UBE2E2: variants seen among roughly 807,000 people sequenced by gnomAD.
UBE2E2 encodes ubiquitin conjugating enzyme E2 E2.
Under a neutral mutation model 24.7 loss-of-function variants are expected in UBE2E2, and 6 were observed. That is an observed-to-expected ratio of 0.24 (90% CI 0.13 to 0.48). UBE2E2 has a LOEUF of 0.48. UBE2E2 is among the 20% of genes least tolerant of loss of function. UBE2E2 has a pLI of 0.99. For missense variants in UBE2E2, 169 were observed against 245.0 expected (o/e 0.69, Z 2.07); for synonymous variants, 104 against 83.6 (o/e 1.24, Z -1.33).
At chr3:23,523,902 A>G (rs1694927306) in intron 4 of UBE2E2, among the ~76,000 whole-genome samples, 1 of 150,324 alleles carries the variant, frequency 6.7e-6, no homozygotes, top group African/African-American at 2.5e-5. Context: ...TGTTAACCAT[A>G]CCATTTTAGA....
At chr3:23,268,978 G>T (rs1474472340) in intron 3 of UBE2E2, among the ~76,000 whole-genome samples, 1 of 151,854 alleles carries the variant, frequency 6.6e-6, no homozygotes, top group Non-Finnish European at 1.5e-5. Context: ...AATAAATGGT[G>T]CTGGGAAAAC....
intron 3 of UBE2E2, chr3:23,274,039 T>C (rs746404040): frequency 1.3e-5 from 2 of 152,220 alleles, no homozygotes; most frequent in African/African-American, 4.8e-5. Context: ...GCTGTTGATA[T>C]AAGAAGGGAG....
At chr3:23,464,665 G>T (rs1404594210) in intron 3 of UBE2E2, among the ~76,000 whole-genome samples, 1 of 152,110 alleles carries the variant, frequency 6.6e-6, no homozygotes, top group African/African-American at 2.4e-5. Flanking sequence ...AAAATGTGAA[G>T]CAAATAGTTA....
intron 5 of UBE2E2, among the ~76,000 whole-genome samples, chr3:23,584,889 C>T (rs1233047408): frequency 6.6e-6 from 1 of 152,080 alleles, no homozygotes; most frequent in Non-Finnish European, 1.5e-5. Context: ...CAGTCTTTCA[C>T]TCGCTTGCAA....
At chr3:23,532,447 G>A (rs1575689622) in intron 4 of UBE2E2, 107 bp from the exon 5 acceptor site, 1 of 958,908 alleles carries the variant, frequency 1.0e-6, no homozygotes, top group Non-Finnish European at 1.4e-6. Flanking sequence ...CAATAGCCTG[G>A]GCTATTTTGT....
chr3:23,428,284 A>G (rs76511044), intron 3 of UBE2E2, among the ~76,000 whole-genome samples: 4,410 of 152,354 alleles, frequency 0.029, 110 homozygotes, highest in East Asian at 0.13. Flanking sequence ...ATTTGACAAC[A>G]TTATTATAAA....
rs559466587 is a variant in UBE2E2 at position 23,576,919 on chromosome 3, T to C, written c.509-12815T>C. On this transcript the variant is annotated intron_variant, in intron 5 of 5. Coordinates refer to ENST00000396703, the MANE Select transcript of UBE2E2 (RefSeq NM_152653.4). ...TTGTGTTTCACATATACTGTTGTTATTGTTTTTTTTTTTTAACAAATTGAA... is the reference window on the plus strand; with the variant it reads ...TTGTGTTTCACATATACTGTTGTTACTGTTTTTTTTTTTTAACAAATTGAA... Among the ~76,000 whole-genome samples, 3 of 133,034 alleles carry C rather than the reference T, an allele frequency of 2.3e-5. No homozygotes were observed. The East Asian group carries it at 7.7e-4, about 34-fold the overall frequency. The allele number at this position is 133,034 out of a possible 152,430, so 87.3% of individuals were successfully genotyped here. A position where few individuals can be genotyped will look rare whatever the true frequency, so the allele number is the denominator to read the frequency against.
chr3:23,293,111 G>C (rs1453883511), intron 3 of UBE2E2, among the ~76,000 whole-genome samples: 1 of 152,194 alleles, frequency 6.6e-6, no homozygotes, highest in Non-Finnish European at 1.5e-5. Flanking sequence ...TTTTGTGGTG[G>C]TGGTTGTGAT....
chr3:23,557,446 AC>A (rs1362490836), intron 5 of UBE2E2, among the ~76,000 whole-genome samples: 1 of 152,154 alleles, frequency 6.6e-6, no homozygotes, highest in Middle Eastern at 3.2e-3. Flanking sequence ...ACGGGAACCA[AC>A]CCTGGACAGG....
chr3:23,372,835 T>G (rs1220318814), intron 3 of UBE2E2, among the ~76,000 whole-genome samples: 1 of 152,208 alleles, frequency 6.6e-6, no homozygotes. Context: ...TAGAGGGGCA[T>G]CTCTGTGACT....
At chr3:23,439,309 G>T (rs549262378) in intron 3 of UBE2E2, among the ~76,000 whole-genome samples, 34 of 152,328 alleles carry the variant, frequency 2.2e-4, no homozygotes, top group African/African-American at 7.9e-4. Context: ...ATCACATAGG[G>T]TTACTGGCAG....
intron 3 of UBE2E2, among the ~76,000 whole-genome samples, chr3:23,413,728 G>A (rs1697552918): frequency 6.6e-6 from 1 of 151,990 alleles, no homozygotes; most frequent in African/African-American, 2.4e-5. Context: ...GAGAGTAATT[G>A]CCTGTATTTT....
chr3:23,212,595 G>A (rs1375623708), intron 2 of UBE2E2, among the ~76,000 whole-genome samples: 1 of 116,856 alleles, frequency 8.6e-6, no homozygotes, highest in Non-Finnish European at 1.7e-5. Context: ...ACTGTTCGAG[G>A]TATGGTTTTT....
chr3:23,222,271 C>A (rs1279546380), intron 3 of UBE2E2, among the ~76,000 whole-genome samples: 3 of 152,108 alleles, frequency 2.0e-5, no homozygotes, highest in Non-Finnish European at 2.9e-5. Flanking sequence ...CAGGTTGGTT[C>A]CATATTTTAG....
At chr3:23,312,152 A>G (rs1172777369) in intron 3 of UBE2E2, among the ~76,000 whole-genome samples, 5 of 152,126 alleles carry the variant, frequency 3.3e-5, no homozygotes. Context: ...TTCTGCCATG[A>G]TTGGAAGCCT....
rs1394352595 is a variant in UBE2E2, at chr3:23,351,335, G to T, written c.227+134023G>T. Among the ~76,000 whole-genome samples the T allele has an allele frequency of 2.6e-5, 4 of 152,260 alleles. No homozygotes were observed. The East Asian group carries it at 7.7e-4, about 29-fold the overall frequency. On this transcript the variant is annotated intron_variant, in intron 3 of 5. Transcript: ENST00000396703. The stretch of plus-strand genomic sequence containing the variant: ...AGGAAGAAACTCCATCAACTAACAA[G>T]CAAAATAACCAGCTAACATCATAAT...
At chr3:23,440,019 C>T (rs565427991) in intron 3 of UBE2E2, among the ~76,000 whole-genome samples, 1 of 151,666 alleles carries the variant, frequency 6.6e-6, no homozygotes, top group Admixed American at 6.6e-5. Flanking sequence ...CGCCTGTAAT[C>T]CCAGTGCTTT....
At chr3:23,430,387 A>C (rs1439011784) in intron 3 of UBE2E2, among the ~76,000 whole-genome samples, 1 of 152,016 alleles carries the variant, frequency 6.6e-6, no homozygotes, top group Non-Finnish European at 1.5e-5. Flanking sequence ...TCAGGTAGTG[A>C]TAGTAACACT....
chr3:23,359,313 G>C (rs1218384196), intron 3 of UBE2E2, among the ~76,000 whole-genome samples: 1 of 152,140 alleles, frequency 6.6e-6, no homozygotes, highest in Non-Finnish European at 1.5e-5. Flanking sequence ...CAGGTTTTTA[G>C]AATGTAGATC....
Sources: allele counts gnomAD v4.1 joint callset (sites outside exome capture counted in the v4.1 genomes callset), GRCh38; gene constraint gnomAD v4.1.1; transcripts MANE v1.5; gene names NCBI Gene and HGNC (gene_info 2026-07-23, HGNC 2026-07-21).